Variants in PRDM16 observed in about 807,000 individuals in gnomAD.
The protein encoded by PRDM16 is histone-lysine N-methyltransferase PRDM16.
PRDM16 carries 23 observed loss-of-function variants against 110.6 expected under a neutral mutation model. That is an observed-to-expected ratio of 0.21 (90% CI 0.15 to 0.29). PRDM16 has a LOEUF of 0.29. PRDM16 is among the 10% of genes least tolerant of loss of function. The probability of loss-of-function intolerance (pLI) is 1.00; values close to 1 mark genes in which losing one functional copy is unlikely to be tolerated. For synonymous variants in PRDM16, 799 were observed against 781.8 expected (o/e 1.02, Z -0.37); for missense variants, 1,615 against 1,794.3 (o/e 0.90, Z 1.81).
At chr1:3,322,920 C>T (rs911221020) in intron 3 of PRDM16, among the ~76,000 whole-genome samples, 1 of 152,162 alleles carries the variant, frequency 6.6e-6, no homozygotes, top group Non-Finnish European at 1.5e-5. Flanking sequence ...TGGACTGGGG[C>T]TCCCTGTGAT....
chr1:3,396,252 T>G, intron 4 of PRDM16: 1 of 565,608 alleles, frequency 1.8e-6, no homozygotes, highest in Non-Finnish European at 3.4e-6. Context: ...TCCTACCTGT[T>G]TAGTCGGCCA....
chr1:3,316,373 A>G (rs545158404), intron 3 of PRDM16, among the ~76,000 whole-genome samples: 1 of 152,290 alleles, frequency 6.6e-6, no homozygotes, highest in Admixed American at 6.5e-5. Flanking sequence ...TGCAAAAGCT[A>G]CGGGACCCCC....
chr1:3,083,879 A>G (rs1642088037), intron 1 of PRDM16, among the ~76,000 whole-genome samples: 3 of 152,200 alleles, frequency 2.0e-5, no homozygotes, highest in Non-Finnish European at 4.4e-5. Flanking sequence ...TAATCAGCAC[A>G]TGGTGCCCAC....
At chr1:3,386,255 T>G (rs1257101574) in intron 4 of PRDM16, among the ~76,000 whole-genome samples, 1 of 151,218 alleles carries the variant, frequency 6.6e-6, no homozygotes, top group Admixed American at 6.6e-5. Context: ...AAGAAAAGGA[T>G]CCCATGGCTG....
At chr1:3,278,659 C>T (rs1194547688) in intron 3 of PRDM16, among the ~76,000 whole-genome samples, 1 of 152,206 alleles carries the variant, frequency 6.6e-6, no homozygotes, top group Non-Finnish European at 1.5e-5. Context: ...ACAAGGCCGC[C>T]CTCTCTGGAG....
chr1:3,140,746 C>T (rs937744499), intron 1 of PRDM16, among the ~76,000 whole-genome samples: 5 of 152,228 alleles, frequency 3.3e-5, no homozygotes, highest in Non-Finnish European at 5.9e-5. Flanking sequence ...CACAGTCACG[C>T]GTCCCTCTCT....
At chr1:3,079,243 A>T (rs1641965321) in intron 1 of PRDM16, among the ~76,000 whole-genome samples, 2 of 152,320 alleles carry the variant, frequency 1.3e-5, no homozygotes, top group South Asian at 4.1e-4. Context: ...CTATGTCAGC[A>T]TCTCTCCGCA....
intron 14 of PRDM16, among the ~76,000 whole-genome samples, chr1:3,429,394 G>T (rs1372798991): frequency 6.6e-6 from 1 of 152,224 alleles, no homozygotes; most frequent in African/African-American, 2.4e-5. Context: ...CATAAAGAGG[G>T]CAAAGTCCCT....
chr1:3,291,980 C>A (rs908362720), intron 3 of PRDM16, among the ~76,000 whole-genome samples: 1 of 152,232 alleles, frequency 6.6e-6, no homozygotes. Flanking sequence ...GGGGCCTACC[C>A]GGTGCCTGGC....
At chr1:3,114,333 CAG>C (rs1289512730) in intron 1 of PRDM16, among the ~76,000 whole-genome samples, 2 of 142,100 alleles carry the variant, frequency 1.4e-5, no homozygotes, top group Non-Finnish European at 3.0e-5. Context: ...GCAGTGTAAA[CAG>C]ACGCGCACGC....
At chr1:3,322,077 TGA>T (rs1254167646) in intron 3 of PRDM16, among the ~76,000 whole-genome samples, 1 of 151,372 alleles carries the variant, frequency 6.6e-6, no homozygotes, top group Non-Finnish European at 1.5e-5. Flanking sequence ...TGCACGTGTG[TGA>T]GGCTGCACAT....
chr1:3,256,793 C>G (rs528401902), intron 3 of PRDM16, among the ~76,000 whole-genome samples: 1 of 152,190 alleles, frequency 6.6e-6, no homozygotes, highest in Non-Finnish European at 1.5e-5. Context: ...GGAGGCAGAG[C>G]TTGCAGTGAG....
intron 2 of PRDM16, among the ~76,000 whole-genome samples, chr1:3,194,294 T>G (rs1638397949): frequency 6.6e-6 from 1 of 152,226 alleles, no homozygotes; most frequent in Non-Finnish European, 1.5e-5. Flanking sequence ...GGTACCTCCC[T>G]GTGCAGGGCG....
At chr1:3,299,402 G>A (rs1223403972) in intron 3 of PRDM16, among the ~76,000 whole-genome samples, 1 of 91,690 alleles carries the variant, frequency 1.1e-5, no homozygotes, top group Non-Finnish European at 2.5e-5. Context: ...TGCCCTTGTT[G>A]AAGATGCTAT....
chr1:3,364,512 C>G (rs1391709682), intron 3 of PRDM16, among the ~76,000 whole-genome samples: 1 of 152,208 alleles, frequency 6.6e-6, no homozygotes, highest in Non-Finnish European at 1.5e-5. Flanking sequence ...CATTCCAACC[C>G]AGGCCTCCAC....
At chr1:3,313,500 G>A (rs1641516477) in intron 3 of PRDM16, among the ~76,000 whole-genome samples, 1 of 152,332 alleles carries the variant, frequency 6.6e-6, no homozygotes, top group East Asian at 1.9e-4. Context: ...AGGCATCCAG[G>A]GGAGAGAAAC....
At chr1:3,357,211 C>T (rs1296033320) in intron 3 of PRDM16, among the ~76,000 whole-genome samples, 1 of 152,182 alleles carries the variant, frequency 6.6e-6, no homozygotes, top group African/African-American at 2.4e-5. Flanking sequence ...TGGCTCTTGG[C>T]CCCCAGGGTC....
chr1:3,079,021 G>A lies in PRDM16; in HGVS notation c.37+9725G>A, dbSNP rs570233946. Among the ~76,000 whole-genome samples the A allele has an allele frequency of 4.6e-5, 7 of 152,350 alleles. No individual in the cohort carries two copies. The East Asian group carries it at 1.4e-3, about 29-fold the overall frequency. On this transcript the variant is annotated intron_variant, in intron 1 of 16. Coordinates refer to ENST00000270722, the MANE Select transcript of PRDM16 (RefSeq NM_022114.4). ...TGACGCTCACCGGAGGAGCCCAAAC[G>A]GTGACCGCAGGGTGGCTGCGGTCCT... is the stretch of plus-strand genomic sequence containing the variant.
intron 12 of PRDM16, among the ~76,000 whole-genome samples, chr1:3,422,190 G>A (rs945676273): frequency 1.4e-5 from 2 of 148,070 alleles, no homozygotes; most frequent in Non-Finnish European, 3.0e-5. Context: ...AGATAGATAG[G>A]TAGGCAGACA....
Sources: allele counts gnomAD v4.1 joint callset (sites outside exome capture counted in the v4.1 genomes callset), GRCh38; gene constraint gnomAD v4.1.1; transcripts MANE v1.5; gene names NCBI Gene and HGNC (gene_info 2026-07-23, HGNC 2026-07-21).